SATB2: variants seen among roughly 807,000 people sequenced by gnomAD.
SATB2 encodes SATB homeobox 2.
Under a neutral mutation model 73.4 loss-of-function variants are expected in SATB2, and 1 was observed. The ratio of observed to expected loss-of-function variants is 0.01; its 90% CI spans 0.00 to 0.06. The LOEUF is 0.06. Ranked by LOEUF, SATB2 falls within the 10% of genes least tolerant of loss-of-function variation. The probability of loss-of-function intolerance (pLI) is 1.00; values close to 1 mark genes in which losing one functional copy is unlikely to be tolerated. For synonymous variants in SATB2, 397 were observed against 367.0 expected (o/e 1.08, Z -0.93); for missense variants, 459 against 945.8 (o/e 0.49, Z 6.75).
chr2:199,440,851 ACT>A (rs1691793859), intron 2 of SATB2, among the ~76,000 whole-genome samples: 1 of 36,634 alleles, frequency 2.7e-5, no homozygotes, highest in South Asian at 1.7e-3. Context: ...CATCATAATT[ACT>A]TTTTTTTTTT....
intron 7 of SATB2, among the ~76,000 whole-genome samples, chr2:199,334,596 C>T (rs996190523): frequency 2.6e-5 from 4 of 152,072 alleles, no homozygotes; most frequent in Non-Finnish European, 5.9e-5. Context: ...AAATAAGGTC[C>T]CTTATTCCTC....
chr2:199,332,520 T>C (rs141339392), intron 7 of SATB2, among the ~76,000 whole-genome samples: 23 of 152,286 alleles, frequency 1.5e-4, no homozygotes, highest in Non-Finnish European at 2.6e-4. Flanking sequence ...TAACTTATTA[T>C]AATGCCATCT....
At chr2:199,380,234 C>A in intron 5 of SATB2, 130 bp downstream of exon 5, 2 of 1,183,720 alleles carry the variant, frequency 1.7e-6, no homozygotes, top group Non-Finnish European at 2.5e-6. Context: ...TAATCTTTTA[C>A]ACCTCAAATG....
chr2:199,337,585 G>A (rs985377521), intron 7 of SATB2, among the ~76,000 whole-genome samples: 7 of 152,144 alleles, frequency 4.6e-5, no homozygotes, highest in Non-Finnish European at 1.0e-4. Context: ...TATAGCTAGA[G>A]ACAGACATAC....
chr2:199,274,400 A>G (rs929042855), intron 10 of SATB2, among the ~76,000 whole-genome samples: 4 of 152,188 alleles, frequency 2.6e-5, no homozygotes, highest in Non-Finnish European at 1.5e-5. Flanking sequence ...CTTGAAGGCC[A>G]TATGATGAAA....
At chr2:199,287,661 CATTACTATTACTG>C (rs1692729195) in intron 10 of SATB2, among the ~76,000 whole-genome samples, 1 of 152,024 alleles carries the variant, frequency 6.6e-6, no homozygotes, top group South Asian at 2.1e-4. Flanking sequence ...TGAAATAAAG[CATTACTATTACTG>C]ATTTACACAT....
chr2:199,402,810 T>C (rs1690522045), intron 3 of SATB2, among the ~76,000 whole-genome samples: 1 of 152,152 alleles, frequency 6.6e-6, no homozygotes, highest in African/African-American at 2.4e-5. Context: ...ATGCTATGGG[T>C]TTTAAATGAC....
chr2:199,415,624 C>T (rs1182687022), intron 3 of SATB2, among the ~76,000 whole-genome samples: 1 of 152,156 alleles, frequency 6.6e-6, no homozygotes, highest in Non-Finnish European at 1.5e-5. Context: ...AAAGTGAATA[C>T]TTCATTCATC....
chr2:199,430,188 A>T (rs753670263), intron 3 of SATB2, among the ~76,000 whole-genome samples: 4 of 152,202 alleles, frequency 2.6e-5, no homozygotes, highest in Admixed American at 2.6e-4. Flanking sequence ...TGAAAGGATG[A>T]AAAGGAAAGA....
At chr2:199,345,000 A>G (rs1011368346) in intron 7 of SATB2, among the ~76,000 whole-genome samples, 2 of 152,166 alleles carry the variant, frequency 1.3e-5, no homozygotes, top group African/African-American at 4.8e-5. Context: ...GCTTTCCACA[A>G]GTAGACAAGT....
rs1574644561 is a variant in SATB2, at chr2:199,455,097, A to G, written c.169+772T>C. 6.6e-6 allele frequency among the ~76,000 whole-genome samples: 1 copy of G among 152,188 alleles called. No homozygotes were observed. Among genetic ancestry groups the G allele is most frequent in the East Asian group, 1.9e-4 (1 of 5,202 alleles). On this transcript the variant is annotated intron_variant, in intron 2 of 10. Coordinates refer to ENST00000417098, the MANE Select transcript of SATB2 (RefSeq NM_001172509.2). The surrounding 1 kb of genome is among the most constrained non-coding windows in gnomAD (Gnocchi z 4.1). Reference sequence around the variant, plus strand: ...ATTTCAATGTTTAAATTTCTCCCATATCTTTATTTTGTATGATTGCTTTTC... The same window carrying G: ...ATTTCAATGTTTAAATTTCTCCCATGTCTTTATTTTGTATGATTGCTTTTC...
At chr2:199,402,484 G>C (rs1690512129) in intron 3 of SATB2, among the ~76,000 whole-genome samples, 1 of 152,036 alleles carries the variant, frequency 6.6e-6, no homozygotes, top group African/African-American at 2.4e-5. Context: ...CTGAACCCAG[G>C]AGGTGGAGGT....
intron 10 of SATB2, among the ~76,000 whole-genome samples, chr2:199,280,562 A>G (rs1003407413): frequency 6.6e-6 from 1 of 152,314 alleles, no homozygotes; most frequent in South Asian, 2.1e-4. Context: ...TATCTGAGAA[A>G]GAGAATGTGT....
chr2:199,353,654 C>A (rs1366265349), intron 6 of SATB2, among the ~76,000 whole-genome samples: 2 of 151,682 alleles, frequency 1.3e-5, no homozygotes, highest in Non-Finnish European at 1.5e-5. Context: ...TTCTTTCTTT[C>A]CTCTCTCCCT....
chr2:199,310,950 G>A (rs984265202), intron 9 of SATB2, among the ~76,000 whole-genome samples: 4 of 152,150 alleles, frequency 2.6e-5, no homozygotes, highest in South Asian at 2.1e-4. Flanking sequence ...ATTTATATGC[G>A]CTGTTATAAT....
At position 199,324,927 on chromosome 2, in the gene SATB2, T is replaced by C. The variant is rs147282704; in HGVS notation, c.1387-969A>G. On this transcript the variant is annotated intron_variant, in intron 8 of 10. Transcript: ENST00000417098. ...CTCTTTGTCCCCATTCACCCTAGAA[T>C]CTCAAACCAACAGAGTTATCTCCAA... is the stretch of plus-strand genomic sequence containing the variant. 2.6e-5 allele frequency among the ~76,000 whole-genome samples: 4 copies of C among 152,240 alleles called. No individual in the cohort carries two copies. In the East Asian group the frequency reaches 7.7e-4, roughly 29 times the overall value.
intron 7 of SATB2, among the ~76,000 whole-genome samples, chr2:199,333,060 T>G (rs951613127): frequency 6.6e-6 from 1 of 152,058 alleles, no homozygotes; most frequent in African/African-American, 2.4e-5. Flanking sequence ...CTCCCTAGGA[T>G]TAGGCTATAT....
At chr2:199,362,154 A>G (rs541412047) in intron 6 of SATB2, among the ~76,000 whole-genome samples, 1 of 152,296 alleles carries the variant, frequency 6.6e-6, no homozygotes, top group South Asian at 2.1e-4. Context: ...GTTATATTAT[A>G]GTATCAGGAT....
chr2:199,462,857 G>A (rs2105967221), upstream of SATB2, among the ~76,000 whole-genome samples: 1 of 152,248 alleles, frequency 6.6e-6, no homozygotes, highest in South Asian at 2.1e-4. This position sits in a 1 kb window ranked among gnomAD's most constrained non-coding sequence, Gnocchi z 5.9. Flanking sequence ...GAGGCCCGAG[G>A]GTCTGGGGCT....
Sources: allele counts gnomAD v4.1 joint callset (sites outside exome capture counted in the v4.1 genomes callset), GRCh38; gene constraint gnomAD v4.1.1; non-coding constraint Gnocchi (gnomAD v3.1); transcripts MANE v1.5; gene names NCBI Gene and HGNC (gene_info 2026-07-23, HGNC 2026-07-21).